Variants in PAK5 observed in about 807,000 individuals in gnomAD.
PAK5 encodes the protein p21 (RAC1) activated kinase 5.
PAK5 carries 16 observed loss-of-function variants against 65.9 expected under a neutral mutation model. The observed-to-expected ratio is 0.24, with a 90% CI of 0.16 to 0.37. The LOEUF is 0.37. Among genes scored for constraint, PAK5 ranks in the 10% least tolerant of loss-of-function variants. The pLI is 1.00. For missense variants in PAK5, 785 were observed against 903.9 expected (o/e 0.87, Z 1.69); for synonymous variants, 371 against 354.9 (o/e 1.05, Z -0.51).
rs373488306 is a variant in PAK5, at chr20:9,544,319, C to T, written c.1869+50G>A. The T allele has an allele frequency of 1.1e-5, 17 of 1,596,696 alleles. No individual in the cohort carries two copies. The African/African-American group carries it at 2.0e-4, about 19-fold the overall frequency. ...ACCAACTATCTCAGAACCAATGGGTCCCTGAGCCTGTCCCCAGTCCTGCCA... is the reference window on the plus strand; with the variant it reads ...ACCAACTATCTCAGAACCAATGGGTTCCTGAGCCTGTCCCCAGTCCTGCCA... On this transcript the variant is annotated intron_variant, in intron 8 of 9. Coordinates refer to ENST00000353224, the MANE Select transcript of PAK5 (RefSeq NM_177990.4).
At chr20:9,587,159 A>G (rs1228325471) in intron 3 of PAK5, among the ~76,000 whole-genome samples, 1 of 152,130 alleles carries the variant, frequency 6.6e-6, no homozygotes, top group Non-Finnish European at 1.5e-5. Context: ...GCAGTGGTAA[A>G]TTTTACTTTT....
chr20:9,544,614 C>T, intron 7 of PAK5, 120 bp from the exon 8 acceptor site: 1 of 889,168 alleles, frequency 1.1e-6, no homozygotes, highest in South Asian at 1.5e-5. Flanking sequence ...AGGCCTTGGA[C>T]ATATCAGAGG....
intron 1 of PAK5, among the ~76,000 whole-genome samples, chr20:9,767,986 A>G (rs186917788): frequency 3.3e-4 from 51 of 152,256 alleles, no homozygotes; most frequent in African/African-American, 1.2e-3. Flanking sequence ...CATTACCCTA[A>G]GTGACTTAAT....
intron 3 of PAK5, among the ~76,000 whole-genome samples, chr20:9,584,912 G>A (rs2046042358): frequency 6.6e-6 from 1 of 152,178 alleles, no homozygotes; most frequent in South Asian, 2.1e-4. Flanking sequence ...GCTTCCTGGT[G>A]TGTTTAATCC....
At chr20:9,751,721 A>G (rs73895979) in intron 1 of PAK5, among the ~76,000 whole-genome samples, 1,841 of 152,272 alleles carry the variant, frequency 0.012, 40 homozygotes, top group African/African-American at 0.042. Flanking sequence ...GACCATATCA[A>G]TTCTATTTCC....
chr20:9,672,539 C>T (rs757477555), intron 2 of PAK5, among the ~76,000 whole-genome samples: 8 of 151,800 alleles, frequency 5.3e-5, no homozygotes, highest in Admixed American at 1.3e-4. Flanking sequence ...TTCCCCTGTA[C>T]ACGCTCTCCT....
chr20:9,578,342 T>A lies in PAK5; in HGVS notation c.990+1803A>T, dbSNP rs558460775. Among the ~76,000 whole-genome samples the A allele has an allele frequency of 5.9e-5, 9 of 152,074 alleles. No homozygotes were observed. In the South Asian group the frequency reaches 1.9e-3, roughly 32 times the overall value. Reference sequence around the variant, plus strand: ...TTCATCCTTTTTAAAAAAATAAAAATAAAAAAGAGAGAAGACTGAAACTCC... The same window carrying A: ...TTCATCCTTTTTAAAAAAATAAAAAAAAAAAAGAGAGAAGACTGAAACTCC... On this transcript the variant is annotated intron_variant, in intron 4 of 9. Transcript: ENST00000353224.
At chr20:9,597,797 A>C (rs1001622697) in intron 3 of PAK5, among the ~76,000 whole-genome samples, 1 of 152,158 alleles carries the variant, frequency 6.6e-6, no homozygotes, top group African/African-American at 2.4e-5. Flanking sequence ...AGACACGAGG[A>C]ACAGAGACCA....
In PAK5 at chr20:9,823,458, C is replaced by A. The variant is rs2049446962; in HGVS notation, c.-162+15304G>T. Reference sequence around the variant, plus strand: ...TGGGGCTAGGTGGAGATAACTGAATCATGGGGGTGGTTCCCCCATACTGTT... The same window carrying A: ...TGGGGCTAGGTGGAGATAACTGAATAATGGGGGTGGTTCCCCCATACTGTT... On this transcript the variant is annotated intron_variant, in intron 1 of 9. Coordinates refer to ENST00000353224, the MANE Select transcript of PAK5 (RefSeq NM_177990.4). 3.3e-5 allele frequency among the ~76,000 whole-genome samples: 5 copies of A among 152,304 alleles called. No homozygotes were observed. In the South Asian group the frequency reaches 1.0e-3, roughly 32 times the overall value.
intron 2 of PAK5, among the ~76,000 whole-genome samples, chr20:9,680,388 G>C (rs563295524): frequency 1.3e-5 from 2 of 152,278 alleles, no homozygotes; most frequent in Non-Finnish European, 2.9e-5. Flanking sequence ...GTAAGAACAT[G>C]AGGAAGTGAG....
intron 1 of PAK5, among the ~76,000 whole-genome samples, chr20:9,781,327 T>C (rs1191067423): frequency 2.0e-5 from 3 of 152,180 alleles, no homozygotes; most frequent in Non-Finnish European, 2.9e-5. Flanking sequence ...AAAGCTTATG[T>C]GGGTCAGGTC....
chr20:9,720,087 G>C (rs964148317), intron 1 of PAK5, among the ~76,000 whole-genome samples: 1 of 152,062 alleles, frequency 6.6e-6, no homozygotes, highest in Non-Finnish European at 1.5e-5. Context: ...TAAGACAAAA[G>C]ATGAGATGGG....
At chr20:9,703,424 C>G (rs986559542) in intron 2 of PAK5, among the ~76,000 whole-genome samples, 5 of 151,984 alleles carry the variant, frequency 3.3e-5, no homozygotes, top group Non-Finnish European at 1.5e-5. Context: ...AGAGCTATTC[C>G]TTTTCTATGA....
intron 1 of PAK5, among the ~76,000 whole-genome samples, chr20:9,763,457 T>C (rs1569077714): frequency 6.6e-6 from 1 of 151,872 alleles, no homozygotes; most frequent in African/African-American, 2.4e-5. Context: ...AAAAAAGTAG[T>C]TTTTAAAAAA....
intron 1 of PAK5, among the ~76,000 whole-genome samples, chr20:9,744,299 G>A (rs2048482806): frequency 6.6e-6 from 1 of 152,166 alleles, no homozygotes; most frequent in African/African-American, 2.4e-5. Context: ...ACAAAGTCCT[G>A]AAACATCAGT....
intron 1 of PAK5, among the ~76,000 whole-genome samples, chr20:9,778,594 T>C (rs1600363777): frequency 6.6e-6 from 1 of 152,274 alleles, no homozygotes; most frequent in East Asian, 1.9e-4. Context: ...TTTATGGTGG[T>C]ATATAGAATG....
At chr20:9,763,616 C>T (rs907822122) in intron 1 of PAK5, among the ~76,000 whole-genome samples, 15 of 152,036 alleles carry the variant, frequency 9.9e-5, no homozygotes, top group African/African-American at 3.6e-4. Flanking sequence ...GAAGTTGGTC[C>T]CAATAAGACT....
chr20:9,812,332 C>A (rs559305863), intron 1 of PAK5, among the ~76,000 whole-genome samples: 1 of 150,954 alleles, frequency 6.6e-6, no homozygotes, highest in East Asian at 1.9e-4. Flanking sequence ...TTTGAAGAGA[C>A]AATATCACCA....
At chr20:9,556,817 C>T (rs187178823) in intron 7 of PAK5, among the ~76,000 whole-genome samples, 3 of 152,240 alleles carry the variant, frequency 2.0e-5, no homozygotes, top group Non-Finnish European at 4.4e-5. Context: ...CCATTTTCCT[C>T]CCTCCTCCAA....
Sources: allele counts gnomAD v4.1 joint callset (sites outside exome capture counted in the v4.1 genomes callset), GRCh38; gene constraint gnomAD v4.1.1; transcripts MANE v1.5; gene names NCBI Gene and HGNC (gene_info 2026-07-23, HGNC 2026-07-21).